The following CCSER1 variants were observed in gnomAD, a reference collection of about 807,000 sequenced individuals.
CCSER1 encodes the protein coiled-coil serine rich protein 1, also known as serine-rich coiled-coil domain-containing protein 1.
CCSER1 carries 41 observed loss-of-function variants against 82.0 expected under a neutral mutation model. The observed-to-expected ratio is 0.50, with a 90% CI of 0.39 to 0.65. CCSER1 has a LOEUF of 0.65. Among genes scored for constraint, CCSER1 ranks in the 30% least tolerant of loss-of-function variants. The pLI, the probability that CCSER1 is intolerant of heterozygous loss-of-function variation, is 0.00. For missense variants in CCSER1, 1,119 were observed against 1,064.2 expected (o/e 1.05, Z -0.72); for synonymous variants, 414 against 383.9 (o/e 1.08, Z -0.92).
chr4:90,601,753 A>G (rs1324637293), intron 5 of CCSER1, among the ~76,000 whole-genome samples: 1 of 151,794 alleles, frequency 6.6e-6, no homozygotes, highest in Non-Finnish European at 1.5e-5. Flanking sequence ...TATATGCTGT[A>G]TATTATTTTA....
At position 91,601,261 on chromosome 4, in the gene CCSER1, G is replaced by C. The variant is rs1296925710; in HGVS notation, c.*2204G>C. 6.6e-6 allele frequency: 1 copy of C among 151,988 alleles called. No homozygotes were observed. Among genetic ancestry groups the C allele is most frequent in the Non-Finnish European group, 1.5e-5 (1 of 67,938 alleles). The allele number at this position is 151,988 out of a possible 1,614,324, so 9.4% of individuals were successfully genotyped here. Reference sequence around the variant, plus strand: ...AGACATTTTAAGAGATGTTTTAAACGCTAGTATTTTCTTGAAAAATCTTTT... The same window carrying C: ...AGACATTTTAAGAGATGTTTTAAACCCTAGTATTTTCTTGAAAAATCTTTT... On this transcript the variant is annotated 3_prime_UTR_variant, in exon 11 of 11. Coordinates refer to ENST00000509176, the MANE Select transcript of CCSER1 (RefSeq NM_001145065.2).
chr4:90,932,947 A>AAAG (rs1561384319), intron 9 of CCSER1, among the ~76,000 whole-genome samples: 1 of 41,012 alleles, frequency 2.4e-5, no homozygotes, highest in African/African-American at 1.8e-4. Context: ...AGAAAGAAAG[A>AAAG]AAGAAAGAAA....
intron 10 of CCSER1, among the ~76,000 whole-genome samples, chr4:91,387,320 G>T (rs886651656): frequency 6.6e-6 from 1 of 151,782 alleles, no homozygotes; most frequent in Admixed American, 6.6e-5. Context: ...CCTTGATTTT[G>T]CAACTTTTCT....
chr4:90,283,268 A>G (rs1380456845), intron 1 of CCSER1, among the ~76,000 whole-genome samples: 1 of 151,986 alleles, frequency 6.6e-6, no homozygotes, highest in Non-Finnish European at 1.5e-5. Context: ...GGCATTGTAT[A>G]CCACTAAGTA....
At position 90,202,193 on chromosome 4, in the gene CCSER1, T is replaced by C. The variant is rs186052553; in HGVS notation, c.-42+74362T>C. Reference sequence around the variant, plus strand: ...TTTTCTTGGATTCTTGGATGTACTGTAAGTAAAACTTTTTTTTTTTTTTTG... The same window carrying C: ...TTTTCTTGGATTCTTGGATGTACTGCAAGTAAAACTTTTTTTTTTTTTTTG... On this transcript the variant is annotated intron_variant, in intron 1 of 10. Transcript: ENST00000509176. 1.8e-4 allele frequency among the ~76,000 whole-genome samples: 23 copies of C among 130,908 alleles called. No individual in the cohort carries two copies. In the East Asian group the frequency reaches 5.5e-3, roughly 31 times the overall value. The allele number at this position is 130,908 out of a possible 152,430, so 85.9% of individuals were successfully genotyped here. A position where few individuals can be genotyped will look rare whatever the true frequency, so the allele number is the denominator to read the frequency against.
chr4:91,186,083 A>G (rs1393179209), intron 10 of CCSER1, among the ~76,000 whole-genome samples: 1 of 152,178 alleles, frequency 6.6e-6, no homozygotes, highest in African/African-American at 2.4e-5. Flanking sequence ...CCTGAATAGA[A>G]CTAAGAGCGA....
intron 5 of CCSER1, among the ~76,000 whole-genome samples, chr4:90,605,228 A>G (rs1784535647): frequency 6.6e-6 from 1 of 152,192 alleles, no homozygotes; most frequent in Non-Finnish European, 1.5e-5. Flanking sequence ...AAGAACGGTA[A>G]CAGTCACCAC....
intron 1 of CCSER1, among the ~76,000 whole-genome samples, chr4:90,152,131 C>G (rs528929587): frequency 6.6e-6 from 1 of 152,120 alleles, no homozygotes; most frequent in Non-Finnish European, 1.5e-5. Flanking sequence ...GCTTGTGTCA[C>G]TAAAAGGGTG....
At chr4:91,503,029 G>T (rs1025049446) in intron 10 of CCSER1, among the ~76,000 whole-genome samples, 18 of 152,018 alleles carry the variant, frequency 1.2e-4, no homozygotes, top group African/African-American at 4.3e-4. Context: ...TTAAATCTTT[G>T]TTTGTGGGAA....
At chr4:90,232,146 A>G (rs1478081472) in intron 1 of CCSER1, among the ~76,000 whole-genome samples, 1 of 152,196 alleles carries the variant, frequency 6.6e-6, no homozygotes, top group Non-Finnish European at 1.5e-5. Context: ...TGAAACCAAA[A>G]AAGAGCCCAC....
intron 5 of CCSER1, among the ~76,000 whole-genome samples, chr4:90,593,230 A>G (rs1782918686): frequency 6.6e-6 from 1 of 152,154 alleles, no homozygotes; most frequent in East Asian, 1.9e-4. Flanking sequence ...AGGAAATAGA[A>G]AAAGCAAAGG....
rs550034986 is a variant in CCSER1, at chr4:91,598,509, A to G, written c.2218-63A>G. The G allele has an allele frequency of 1.5e-5, 21 of 1,441,584 alleles. No homozygotes were observed. The South Asian group carries it at 2.4e-4, about 17-fold the overall frequency. 89.3% of individuals were successfully genotyped at this position (1,441,584 alleles called of 1,614,324 possible). On this transcript the variant is annotated intron_variant, in intron 10 of 10. Transcript: ENST00000509176. Reference sequence around the variant, plus strand: ...CACAAATGTATAAATATCACTCTGTATTGTATGTATGCTATGAAAGTGTTT... The same window carrying G: ...CACAAATGTATAAATATCACTCTGTGTTGTATGTATGCTATGAAAGTGTTT...
intron 10 of CCSER1, among the ~76,000 whole-genome samples, chr4:91,495,104 G>GA (rs770316199): frequency 1.3e-5 from 2 of 151,422 alleles, no homozygotes; most frequent in Non-Finnish European, 3.0e-5. Flanking sequence ...AATTTTCGAA[G>GA]AAAAAATATT....
intron 10 of CCSER1, among the ~76,000 whole-genome samples, chr4:91,130,394 C>T (rs367657640): frequency 6.6e-6 from 1 of 151,758 alleles, no homozygotes; most frequent in South Asian, 2.1e-4. Context: ...GTATTGTATT[C>T]TCTGTGTGTC....
chr4:90,719,175 CCACCTG>C (rs1483975298), intron 6 of CCSER1, among the ~76,000 whole-genome samples: 5 of 152,082 alleles, frequency 3.3e-5, no homozygotes, highest in Admixed American at 2.6e-4. Flanking sequence ...CAACTGAGCT[CCACCTG>C]CCTTTCAGAT....
At chr4:90,379,200 A>G (rs1400685840) in intron 3 of CCSER1, among the ~76,000 whole-genome samples, 10 of 152,138 alleles carry the variant, frequency 6.6e-5, no homozygotes, top group Admixed American at 5.2e-4. Flanking sequence ...GCTCTCTTCT[A>G]TATTGTGACT....
intron 1 of CCSER1, among the ~76,000 whole-genome samples, chr4:90,271,826 TTATATATATATATA>T (rs1189309598): frequency 3.0e-4 from 13 of 42,880 alleles, no homozygotes; most frequent in Admixed American, 1.6e-3. Context: ...ACTGGACAAT[TTATATATATATATA>T]TATATATATA....
intron 7 of CCSER1, among the ~76,000 whole-genome samples, chr4:90,807,868 T>C (rs998013193): frequency 5.3e-5 from 8 of 152,192 alleles, no homozygotes; most frequent in Middle Eastern, 3.4e-3. Context: ...TACCCCAACG[T>C]CATTTTTTGC....
rs141937050 is a variant in CCSER1 at position 90,733,634 on chromosome 4, T to G, written c.2010+9643T>G. Among the ~76,000 whole-genome samples, 297 of 152,322 alleles carry G rather than the reference T, an allele frequency of 1.9e-3. 2 individuals carry two copies. Among genetic ancestry groups the G allele is most frequent in the Middle Eastern group, 6.8e-3 (2 of 294 alleles). On this transcript the variant is annotated intron_variant, in intron 7 of 10. Transcript: ENST00000509176. The stretch of plus-strand genomic sequence containing the variant: ...GTCCTGGAGAGTTTCCCTAGTGTTT[T>G]CTTTTAGTAATTTGATAGTTACGTC...
Sources: allele counts gnomAD v4.1 joint callset (sites outside exome capture counted in the v4.1 genomes callset), GRCh38; gene constraint gnomAD v4.1.1; transcripts MANE v1.5; gene names NCBI Gene and HGNC (gene_info 2026-07-23, HGNC 2026-07-21).